The following UTRN variants were observed in gnomAD, a reference collection of about 807,000 sequenced individuals.
UTRN encodes the protein dystrophin-related protein 1.
A neutral mutation model predicts 463.9 loss-of-function variants in UTRN; 283 were observed. That is an observed-to-expected ratio of 0.61 (90% confidence interval 0.55 to 0.67). The LOEUF (loss-of-function observed/expected upper bound fraction) is 0.67, where lower values mean the gene tolerates loss of function less well. Among genes scored for constraint, UTRN ranks in the 30% least tolerant of loss-of-function variants. The probability of loss-of-function intolerance (pLI) is 0.00; values close to 1 mark genes in which losing one functional copy is unlikely to be tolerated. For missense variants in UTRN, 3,922 were observed against 4,084.3 expected (o/e 0.96, Z 1.08); for synonymous variants, 1,442 against 1,431.5 (o/e 1.01, Z -0.17).
rs762456341 is a variant in UTRN, at chr6:144,516,387, G to A, written c.5403G>A (p.Lys1801=). ...KHLESSDEDE[K]MDEESAQIEE... is the part of the protein sequence containing the mutation. ...TGGAATCCAGTGATGAAGATGAAAA[G>A]GTTGGTTCAAGGAGATTTCAAAACC... Residue 1801 remains lysine, a splice_region_variant and synonymous_variant, in exon 38 of 75, where the codon AAG becomes AAA. Coordinates refer to ENST00000367545, the MANE Select transcript of UTRN (RefSeq NM_007124.3). 1.2e-6 allele frequency: 2 copies of A among 1,612,020 alleles called. No individual in the cohort carries two copies. Among genetic ancestry groups the A allele is most frequent in the South Asian group, 1.1e-5 (1 of 90,834 alleles).
chr6:144,539,744 T>TC (rs1392734311), intron 45 of UTRN, among the ~76,000 whole-genome samples: 1 of 152,094 alleles, frequency 6.6e-6, no homozygotes, highest in East Asian at 1.9e-4. Flanking sequence ...AATGAAGACC[T>TC]TAAAATAGCA....
At position 144,827,647 on chromosome 6, in the gene UTRN, C is replaced by T. The variant is rs745457267; in HGVS notation, c.9570C>T (p.Thr3190=). The change falls in exon 68 of 75, where the codon ACC becomes ACT. Residue 3190 remains threonine (T), a synonymous_variant. Coordinates refer to ENST00000367545, the MANE Select transcript of UTRN (RefSeq NM_007124.3). ...CTCCTCAACTGTTTCATGATGACAC[C>T]CATTCAAGAATAGAACAATATGCCA... ...SQSPQLFHDD[T]HSRIEQYATR... is the part of the protein sequence containing the mutation. 3.1e-6 allele frequency: 5 copies of T among 1,613,370 alleles called. No homozygotes were observed. The African/African-American group carries it at 5.3e-5, about 17-fold the overall frequency.
At chr6:144,402,497 A>G (rs1783015530) in intron 2 of UTRN, among the ~76,000 whole-genome samples, 1 of 152,164 alleles carries the variant, frequency 6.6e-6, no homozygotes, top group South Asian at 2.1e-4. Context: ...GGCTCAGAAA[A>G]TGAATTTGTA....
At chr6:144,817,675 C>T (rs185406695) in intron 65 of UTRN, among the ~76,000 whole-genome samples, 38 of 152,272 alleles carry the variant, frequency 2.5e-4, no homozygotes, top group African/African-American at 9.1e-4. Context: ...TTTATTGGCT[C>T]TATCCCAGCT....
chr6:144,521,987 C>G lies in UTRN; in HGVS notation c.5549C>G (p.Pro1850Arg), dbSNP rs1487660299. The G allele has an allele frequency of 1.3e-6, 2 of 1,555,346 alleles. No homozygotes were observed. Among genetic ancestry groups the G allele is most frequent in the South Asian group, 2.5e-5 (2 of 79,454 alleles). Reference sequence around the variant, plus strand: ...TTTTTGCTGTTTTTGTAGGCAATCCCTATTCAACAGAGGAAAATGGGTCAA... The same window carrying G: ...TTTTTGCTGTTTTTGTAGGCAATCCGTATTCAACAGAGGAAAATGGGTCAA... Reference protein sequence around the residue: ...HTRYNKIKAIPIQQRKMGQLA... With the variant: ...HTRYNKIKAIRIQQRKMGQLA... Residue 1850 changes from proline to arginine, a missense_variant, in exon 40 of 75, where the codon CCT becomes CGT. Coordinates refer to ENST00000367545, the MANE Select transcript of UTRN (RefSeq NM_007124.3).
Position 144,358,306 on chromosome 6 carries a change from A to G in UTRN, c.80-44817A>G, listed in dbSNP as rs143945382. ...AAATTATCTTAACAGTTGAAATACC[A>G]TAACAGTGTGTATACACACACACAT... On this transcript the variant is annotated intron_variant, in intron 2 of 74. Transcript: ENST00000367545. Among the ~76,000 whole-genome samples the G allele has an allele frequency of 6.5e-3, 991 of 152,350 alleles. 5 individuals carry two copies. The highest frequency in any genetic ancestry group is 0.016 in the African/African-American group (682 of 41,574).
At chr6:144,530,711 T>G (rs1287185885) in intron 41 of UTRN, among the ~76,000 whole-genome samples, 1 of 152,098 alleles carries the variant, frequency 6.6e-6, no homozygotes, top group Non-Finnish European at 1.5e-5. Context: ...TCTTTTTAGT[T>G]AAAAAGCTGC....
intron 10 of UTRN, 78 bp from the exon 11 acceptor site, chr6:144,437,487 G>T: frequency 7.2e-6 from 10 of 1,395,764 alleles, no homozygotes; most frequent in Non-Finnish European, 9.5e-6. Flanking sequence ...TTTAGGTTAG[G>T]CATTAGCAAT....
rs560581181 is a variant in UTRN at position 144,347,837 on chromosome 6, G to GTTTTTTTTTTTTTTTTTTTTTTT, written c.80-55274_80-55273insTTTTTTTTTTTTTTTTTTTTTTT. ...TCTCCTGAACTGTGGCTTATTCTTTGTTTTTTTTTTTTGTTTTTTTTTTTG... is the reference window on the plus strand; with the variant it reads ...TCTCCTGAACTGTGGCTTATTCTTTGTTTTTTTTTTTTTTTTTTTTTTTTTTTTTTTTTTTGTTTTTTTTTTTG... On this transcript the variant is annotated intron_variant, in intron 2 of 74. Coordinates refer to ENST00000367545, the MANE Select transcript of UTRN (RefSeq NM_007124.3). Among the ~76,000 whole-genome samples the GTTTTTTTTTTTTTTTTTTTTTTT allele has an allele frequency of 2.4e-4, 31 of 128,908 alleles. 4 individuals carry two copies. Among genetic ancestry groups the GTTTTTTTTTTTTTTTTTTTTTTT allele is most frequent in the African/African-American group, 1.0e-3 (30 of 29,478 alleles). The allele number at this position is 128,908 out of a possible 152,430, so 84.6% of individuals were successfully genotyped here. A position where few individuals can be genotyped will look rare whatever the true frequency, so the allele number is the denominator to read the frequency against.
At chr6:144,287,027 G>A (rs1803745267) in intron 1 of UTRN, among the ~76,000 whole-genome samples, 1 of 152,032 alleles carries the variant, frequency 6.6e-6, no homozygotes. Context: ...CGACCCTCCC[G>A]GCCGCCCGGC....
chr6:144,516,318 A>G lies in UTRN; in HGVS notation c.5334A>G (p.Leu1778=). 1 of 1,613,898 alleles carries G rather than the reference A, an allele frequency of 6.2e-7. No individual in the cohort carries two copies. The highest frequency in any genetic ancestry group is 1.1e-5 in the South Asian group (1 of 91,068). Residue 1778 remains leucine (L), a synonymous_variant, in exon 38 of 75, where the codon TTA becomes TTG. Coordinates refer to ENST00000367545, the MANE Select transcript of UTRN (RefSeq NM_007124.3). ...TGVPFSDLEK[L]ENDIENMLKF... The stretch of plus-strand genomic sequence containing the variant: ...TGCCTTTCTCTGACTTGGAAAAATT[A>G]GAAAATGACATAGAAAATATGTTAA...
intron 2 of UTRN, among the ~76,000 whole-genome samples, chr6:144,333,800 A>G (rs917525306): frequency 3.7e-4 from 56 of 152,348 alleles, no homozygotes; most frequent in African/African-American, 1.3e-3. Context: ...AAAAAGATAC[A>G]CTTATATACT....
intron 60 of UTRN, among the ~76,000 whole-genome samples, chr6:144,781,037 C>T (rs915200463): frequency 1.3e-5 from 2 of 152,046 alleles, no homozygotes; most frequent in African/African-American, 4.8e-5. Flanking sequence ...CATGTTTACT[C>T]CTCCTTTTAG....
intron 2 of UTRN, among the ~76,000 whole-genome samples, chr6:144,374,945 C>CAAA (rs757547113): frequency 2.0e-5 from 1 of 49,172 alleles, no homozygotes; most frequent in African/African-American, 7.4e-5. Context: ...GACTCCATCT[C>CAAA]AAAAAAAAAA....
intron 2 of UTRN, among the ~76,000 whole-genome samples, chr6:144,332,043 A>G (rs1244437256): frequency 6.6e-6 from 1 of 152,112 alleles, no homozygotes; most frequent in Non-Finnish European, 1.5e-5. Flanking sequence ...TCTTTCCTCC[A>G]CCTGGAATAC....
intron 49 of UTRN, among the ~76,000 whole-genome samples, chr6:144,556,238 G>A (rs1240604964): frequency 6.6e-6 from 1 of 152,118 alleles, no homozygotes; most frequent in Non-Finnish European, 1.5e-5. Flanking sequence ...GTGGAAGTAT[G>A]TTTTTATTCT....
chr6:144,805,052 T>C (rs1303116473), intron 65 of UTRN, among the ~76,000 whole-genome samples: 1 of 152,122 alleles, frequency 6.6e-6, no homozygotes, highest in Non-Finnish European at 1.5e-5. Context: ...GTTTAAGTCT[T>C]TTAATGGAGA....
chr6:144,664,844 T>C (rs1279074703), intron 51 of UTRN, among the ~76,000 whole-genome samples: 2 of 151,530 alleles, frequency 1.3e-5, no homozygotes, highest in East Asian at 1.9e-4. Context: ...TTGAAGATGA[T>C]GTTATTTGCC....
intron 2 of UTRN, among the ~76,000 whole-genome samples, chr6:144,316,373 C>T (rs73588908): frequency 0.018 from 2,672 of 152,256 alleles, 85 homozygotes; most frequent in African/African-American, 0.061. Flanking sequence ...AAGAAAACAT[C>T]GGAAATGAGA....
Sources: gnomAD v4.1 joint callset for allele counts (sites outside exome capture counted in the v4.1 genomes callset) on GRCh38, gnomAD v4.1.1 for gene constraint, MANE v1.5 for transcripts, NCBI Gene and HGNC (gene_info 2026-07-23, HGNC 2026-07-21) for gene names.